Variants in TBCEL observed in about 807,000 individuals in gnomAD.
TBCEL encodes the protein tubulin folding cofactor E like, also known as tubulin-specific chaperone cofactor E-like protein.
TBCEL carries 15 observed loss-of-function variants against 44.2 expected under a neutral mutation model. The ratio of observed to expected loss-of-function variants is 0.34; its 90% CI spans 0.23 to 0.52. The LOEUF (loss-of-function observed/expected upper bound fraction) is 0.52, where lower values mean the gene tolerates loss of function less well. TBCEL is among the 20% of genes least tolerant of loss of function. TBCEL has a pLI of 0.95. For synonymous variants in TBCEL, 171 were observed against 185.4 expected (o/e 0.92, Z 0.63); for missense variants, 319 against 506.3 (o/e 0.63, Z 3.55).
chr11:121,081,725 AT>A (rs1230078340), intron 8 of TBCEL, among the ~76,000 whole-genome samples: 1 of 152,212 alleles, frequency 6.6e-6, no homozygotes, highest in African/African-American at 2.4e-5. Context: ...GATTTCTTAT[AT>A]TTACTAATCT....
intron 8 of TBCEL, 25 bp downstream of exon 8, chr11:121,060,110 C>A: frequency 6.5e-7 from 1 of 1,542,328 alleles, no homozygotes; most frequent in Non-Finnish European, 9.0e-7. Context: ...ATTGGCCAAA[C>A]ACTTTAGAGG....
At position 121,039,028 on chromosome 11, in the gene TBCEL, T is replaced by C. The variant is rs185594486; in HGVS notation, c.-18+2416T>C. On this transcript the variant is annotated intron_variant, in intron 2 of 8. Transcript: ENST00000683345. Reference sequence around the variant, plus strand: ...GCATAAAGATCAATAACCCTCATCCTTGCACTCTAGTCACTGTAATCTCTC... The same window carrying C: ...GCATAAAGATCAATAACCCTCATCCCTGCACTCTAGTCACTGTAATCTCTC... Among the ~76,000 whole-genome samples, 9 of 152,336 alleles carry C rather than the reference T, an allele frequency of 5.9e-5. No homozygotes were observed. In the East Asian group the frequency reaches 1.7e-3, roughly 29 times the overall value.
At chr11:121,026,555 A>C (rs1480642091) in intron 1 of TBCEL, among the ~76,000 whole-genome samples, 1 of 152,174 alleles carries the variant, frequency 6.6e-6, no homozygotes, top group Non-Finnish European at 1.5e-5. Context: ...ATCAGGACAG[A>C]AGTACCCAAG....
intron 8 of TBCEL, among the ~76,000 whole-genome samples, chr11:121,077,554 C>A (rs1946054482): frequency 6.6e-6 from 1 of 151,950 alleles, no homozygotes; most frequent in African/African-American, 2.4e-5. Flanking sequence ...AATTTGCAAA[C>A]CTTTTTAAAG....
chr11:121,059,900 T>G (rs558919700), intron 7 of TBCEL, 69 bp from the exon 8 acceptor site: 2 of 1,098,634 alleles, frequency 1.8e-6, no homozygotes, highest in South Asian at 2.9e-5. Context: ...CACAAGCCAA[T>G]TAGTTTCTTT....
chr11:121,078,248 A>G (rs552803537), intron 8 of TBCEL, among the ~76,000 whole-genome samples: 2 of 152,030 alleles, frequency 1.3e-5, no homozygotes, highest in African/African-American at 2.4e-5. Context: ...GAATTTGTTT[A>G]TTTTTATTTG....
intron 2 of TBCEL, among the ~76,000 whole-genome samples, chr11:121,044,663 G>A (rs1945396895): frequency 6.6e-6 from 1 of 152,072 alleles, no homozygotes; most frequent in Non-Finnish European, 1.5e-5. Flanking sequence ...AGCCCCTTAA[G>A]TAATGAGTTA....
chr11:121,059,885 T>C (rs931036123), intron 7 of TBCEL, 84 bp from the exon 8 acceptor site: 20 of 933,484 alleles, frequency 2.1e-5, no homozygotes, highest in Non-Finnish European at 2.6e-5. Flanking sequence ...AAAATAAGAC[T>C]GGGCCACAAG....
Position 121,073,074 on chromosome 11 carries a change from T to C in TBCEL, c.956+12989T>C, listed in dbSNP as rs1411845135. 2.0e-5 allele frequency among the ~76,000 whole-genome samples: 3 copies of C among 152,090 alleles called. No homozygotes were observed. In the East Asian group the frequency reaches 5.8e-4, roughly 29 times the overall value. ...CTTTATATTAAGTCTTAATTCCCAA[T>C]AACAGTAAGTTTCCCTACCTTGTTG... On this transcript the variant is annotated intron_variant, in intron 8 of 8. Transcript: ENST00000683345.
chr11:121,061,736 C>T (rs559680913), intron 8 of TBCEL, among the ~76,000 whole-genome samples: 18 of 152,158 alleles, frequency 1.2e-4, no homozygotes, highest in African/African-American at 3.9e-4. Flanking sequence ...GTACTTACCA[C>T]GAAAATCTTG....
chr11:121,043,843 A>G (rs1591388011), intron 2 of TBCEL, among the ~76,000 whole-genome samples: 1 of 152,046 alleles, frequency 6.6e-6, no homozygotes, highest in South Asian at 2.1e-4. Flanking sequence ...ATAAAATTTT[A>G]TATATCGTAA....
intron 2 of TBCEL, among the ~76,000 whole-genome samples, chr11:121,040,056 A>C (rs1010188077): frequency 2.6e-5 from 4 of 152,176 alleles, no homozygotes; most frequent in African/African-American, 9.7e-5. Flanking sequence ...TGCACATTTG[A>C]ATTATTGTGA....
intron 8 of TBCEL, among the ~76,000 whole-genome samples, chr11:121,062,599 T>A (rs191122802): frequency 6.6e-6 from 1 of 152,294 alleles, no homozygotes; most frequent in African/African-American, 2.4e-5. Flanking sequence ...TACAGTGAAT[T>A]GTTTTCTGTC....
intron 8 of TBCEL, among the ~76,000 whole-genome samples, chr11:121,066,888 G>C (rs1293881614): frequency 6.6e-6 from 1 of 152,102 alleles, no homozygotes; most frequent in Admixed American, 6.5e-5. Context: ...TTAGTTTCCA[G>C]GTAGGATGGA....
chr11:121,087,029 C>T lies in TBCEL; in HGVS notation c.1208C>T (p.Ser403Phe). 6.2e-7 allele frequency: 1 copy of T among 1,614,116 alleles called. No individual in the cohort carries two copies. The highest frequency in any genetic ancestry group is 8.5e-7 in the Non-Finnish European group (1 of 1,180,000). The change falls in exon 9 of 9, where the codon TCT (serine) becomes TTT (phenylalanine). Residue 403 changes from serine (S) to phenylalanine (F), a missense_variant. Ser to Phe is a radical substitution (Grantham distance 155). Transcript: ENST00000683345. The part of the protein sequence containing the change: ...PFGPEEMKYS[S>F]RALHSFGIRD... ...GGCCCAGAGGAAATGAAGTACAGCTCTCGGGCATTGCATTCCTTTGGCATT... is the reference window on the plus strand; with the variant it reads ...GGCCCAGAGGAAATGAAGTACAGCTTTCGGGCATTGCATTCCTTTGGCATT...
intron 8 of TBCEL, among the ~76,000 whole-genome samples, chr11:121,083,769 A>G (rs1454866523): frequency 6.6e-6 from 1 of 152,178 alleles, no homozygotes; most frequent in African/African-American, 2.4e-5. Flanking sequence ...GTTTTTTACC[A>G]GAAGGACTCA....
At chr11:121,035,400 T>A (rs1054397081) in intron 1 of TBCEL, 1 of 151,134 alleles carries the variant, frequency 6.6e-6, no homozygotes, top group African/African-American at 2.4e-5. Context: ...CAGTACTTAC[T>A]ACCATTGGGC....
chr11:121,088,159 A>C lies in TBCEL; in HGVS notation c.*1063A>C, dbSNP rs1429539603. The stretch of plus-strand genomic sequence containing the variant: ...TTTCCCACCTGTGTCATCCATTGGA[A>C]GCCCTTGCTCTTGCACTTTGCATTA... On this transcript the variant is annotated 3_prime_UTR_variant, in exon 9 of 9. Transcript: ENST00000683345. 1 of 152,200 alleles carries C rather than the reference A, an allele frequency of 6.6e-6. No homozygotes were observed. Among genetic ancestry groups the C allele is most frequent in the Non-Finnish European group, 1.5e-5 (1 of 68,040 alleles). 9.4% of individuals were successfully genotyped at this position (152,200 alleles called of 1,614,324 possible). A position where few individuals can be genotyped will look rare whatever the true frequency, so the allele number is the denominator to read the frequency against.
chr11:121,080,302 A>T (rs1381292870), intron 8 of TBCEL, among the ~76,000 whole-genome samples: 1 of 152,240 alleles, frequency 6.6e-6, no homozygotes, highest in African/African-American at 2.4e-5. Context: ...TCTGCATTTC[A>T]GGAATGATAG....
Sources: gnomAD v4.1 joint callset for allele counts (sites outside exome capture counted in the v4.1 genomes callset) on GRCh38, gnomAD v4.1.1 for gene constraint, MANE v1.5 for transcripts, NCBI Gene and HGNC (gene_info 2026-07-23, HGNC 2026-07-21) for gene names.